PIP5K1C: variants seen among roughly 807,000 people sequenced by gnomAD.
PIP5K1C encodes the protein phosphatidylinositol-4-phosphate 5-kinase type 1 gamma, also known as phosphatidylinositol 4-phosphate 5-kinase type-1 gamma.
In PIP5K1C, 45 loss-of-function variants were observed where a neutral mutation model predicts 80.1. That is an observed-to-expected ratio of 0.56 (90% CI 0.44 to 0.72). The LOEUF (loss-of-function observed/expected upper bound fraction) is 0.72, where lower values mean the gene tolerates loss of function less well. PIP5K1C is among the 30% of genes least tolerant of loss of function. The probability of loss-of-function intolerance (pLI) is 0.00; values close to 1 mark genes in which losing one functional copy is unlikely to be tolerated. For synonymous variants in PIP5K1C, 498 were observed against 420.1 expected (o/e 1.19, Z -2.27); for missense variants, 753 against 954.6 (o/e 0.79, Z 2.78).
intron 5 of PIP5K1C, 60 bp from the exon 6 acceptor site, chr19:3,656,617 G>A: frequency 1.3e-6 from 2 of 1,589,718 alleles, no homozygotes; most frequent in Non-Finnish European, 1.7e-6. Context: ...GACAGCACTG[G>A]CTTCCGGTCT....
intron 1 of PIP5K1C, among the ~76,000 whole-genome samples, chr19:3,676,804 C>G (rs2035373702): frequency 6.6e-6 from 1 of 152,238 alleles, no homozygotes; most frequent in African/African-American, 2.4e-5. Flanking sequence ...GAAAGGGAGA[C>G]TGCTTTTACT....
At position 3,688,028 on chromosome 19, in the gene PIP5K1C, G is replaced by A. The variant is rs918096361; in HGVS notation, c.94+12269C>T. ...GCTGTGGGGCGTGGCCAGCCCGCAG[G>A]TGGCGGGGCCGACGGGATGGGTCAG... On this transcript the variant is annotated intron_variant, in intron 1 of 17. Transcript: ENST00000335312. The surrounding 1 kb of genome is among the most constrained non-coding windows in gnomAD (Gnocchi z 5.3). Among the ~76,000 whole-genome samples, 1 of 152,192 alleles carries A rather than the reference G, an allele frequency of 6.6e-6. No individual in the cohort carries two copies. The highest frequency in any genetic ancestry group is 2.4e-5 in the African/African-American group (1 of 41,458).
At chr19:3,661,739 G>A (rs1056149055) in intron 4 of PIP5K1C, 132 bp downstream of exon 4, 1 of 1,051,880 alleles carries the variant, frequency 9.5e-7, no homozygotes, top group Non-Finnish European at 1.4e-6. Context: ...GAGGGCCAGA[G>A]CTCAAGGCCA....
rs983757465 is a variant in PIP5K1C, at chr19:3,632,934, C to T, written c.*233G>A. On this transcript the variant is annotated 3_prime_UTR_variant, in exon 18 of 18. Coordinates refer to ENST00000335312, the MANE Select transcript of PIP5K1C (RefSeq NM_012398.3). Reference sequence around the variant, plus strand: ...AAATAAGGACTCAAATGCGATTGGCCGCTCGGGAGGGTGGGTCTCACAGGG... The same window carrying T: ...AAATAAGGACTCAAATGCGATTGGCTGCTCGGGAGGGTGGGTCTCACAGGG... 21 of 527,598 alleles carry T rather than the reference C, an allele frequency of 4.0e-5. No individual in the cohort carries two copies. The highest frequency in any genetic ancestry group is 6.8e-5 in the Admixed American group (2 of 29,610). The allele number at this position is 527,598 out of a possible 1,614,324, so 32.7% of individuals were successfully genotyped here.
At chr19:3,649,969 G>T in intron 8 of PIP5K1C, 1 of 224,826 alleles carries the variant, frequency 4.4e-6, no homozygotes, top group Non-Finnish European at 8.9e-6. Context: ...TGCACGCTCT[G>T]CTCACGCCAC....
At chr19:3,643,497 C>G (rs1247178486) in intron 12 of PIP5K1C, 116 bp from the exon 13 acceptor site, 2 of 1,174,944 alleles carry the variant, frequency 1.7e-6, no homozygotes, top group Non-Finnish European at 2.4e-6. Flanking sequence ...CCGCCCGCCT[C>G]CCAGACACTC....
Position 3,688,202 on chromosome 19 carries a change from G to C in PIP5K1C, c.94+12095C>G, listed in dbSNP as rs2035830601. Reference sequence around the variant, plus strand: ...GCGCTCCGTCTCCAGCACAGCAGAGGTGGACGCCCCTCGCGGCTGGCTCCC... The same window carrying C: ...GCGCTCCGTCTCCAGCACAGCAGAGCTGGACGCCCCTCGCGGCTGGCTCCC... On this transcript the variant is annotated intron_variant, in intron 1 of 17. Transcript: ENST00000335312. This position sits in a 1 kb window ranked among gnomAD's most constrained non-coding sequence, Gnocchi z 5.3. 1.3e-5 allele frequency among the ~76,000 whole-genome samples: 2 copies of C among 152,214 alleles called. No individual in the cohort carries two copies. The highest frequency in any genetic ancestry group is 4.8e-5 in the African/African-American group (2 of 41,460).
At chr19:3,685,602 C>T (rs890226290) in intron 1 of PIP5K1C, among the ~76,000 whole-genome samples, 3 of 151,564 alleles carry the variant, frequency 2.0e-5, no homozygotes, top group South Asian at 2.1e-4. Context: ...TGGTGGCGGG[C>T]GCCTGTAGTC....
Position 3,656,565 on chromosome 19 carries a change from C to T in PIP5K1C, c.469-8G>A. 3 of 1,613,272 alleles carry T rather than the reference C, an allele frequency of 1.9e-6. No homozygotes were observed. Among genetic ancestry groups the T allele is most frequent in the Non-Finnish European group, 2.5e-6 (3 of 1,179,884 alleles). ...CTCATTGCACAGGGAGTACTGGAAG[C>T]AGAGGAGGCGGGTCAGCGGGCCCCA... On this transcript the variant is annotated splice_polypyrimidine_tract_variant and splice_region_variant and intron_variant, in intron 5 of 17. Transcript: ENST00000335312.
chr19:3,651,480 G>A (rs1044666023), intron 8 of PIP5K1C, among the ~76,000 whole-genome samples: 7 of 152,188 alleles, frequency 4.6e-5, no homozygotes, highest in African/African-American at 1.2e-4. Flanking sequence ...CACCTTTGTG[G>A]CCCCTCTCTG....
rs1444236121 is a variant in PIP5K1C at position 3,647,349 on chromosome 19, C to T, written c.1249G>A (p.Val417Ile). ...GTGCAGGCGCTCACCCCATCGTGGA[C>T]GAGGGCCTTCCAGGTGTGCTCCAGT... ...KKLEHTWKAL[V>I]HDGDTVSVHR... Residue 417 changes from valine to isoleucine, a missense_variant, in exon 10 of 18, where the codon GTC becomes ATC. By Grantham distance (29) the Val-to-Ile change is conservative. Transcript: ENST00000335312. 2.5e-6 allele frequency: 4 copies of T among 1,578,062 alleles called. No individual in the cohort carries two copies. Among genetic ancestry groups the T allele is most frequent in the Non-Finnish European group, 3.4e-6 (4 of 1,160,898 alleles).
chr19:3,661,295 C>T (rs2034825960), intron 4 of PIP5K1C, among the ~76,000 whole-genome samples: 1 of 144,288 alleles, frequency 6.9e-6, no homozygotes, highest in African/African-American at 2.5e-5. Context: ...AACAACGGGG[C>T]CCACAGTGTT....
At chr19:3,659,920 C>T (rs896489977) in intron 5 of PIP5K1C, among the ~76,000 whole-genome samples, 1 of 152,212 alleles carries the variant, frequency 6.6e-6, no homozygotes, top group African/African-American at 2.4e-5. Context: ...GCCCCGGGGA[C>T]CGTGCTGTCG....
chr19:3,639,821 G>A (rs1024469315), intron 15 of PIP5K1C, among the ~76,000 whole-genome samples: 21 of 152,164 alleles, frequency 1.4e-4, no homozygotes. Context: ...GAGAGGGTGC[G>A]GCTACTGCCC....
chr19:3,651,499 G>A (rs1420142666), intron 8 of PIP5K1C, among the ~76,000 whole-genome samples: 1 of 152,222 alleles, frequency 6.6e-6, no homozygotes, highest in African/African-American at 2.4e-5. Context: ...TGCACGGGTG[G>A]CGTGTAGACC....
rs2035975049 is a variant in PIP5K1C, at chr19:3,692,357, C to T, written c.94+7940G>A. On this transcript the variant is annotated intron_variant, in intron 1 of 17. Transcript: ENST00000335312. This position sits in a 1 kb window ranked among gnomAD's most constrained non-coding sequence, Gnocchi z 5.2. ...CCCCCAACGCTCCCTACAGGGGCTC[C>T]TGGGGCCTCCCTCGCAGCTCGGCCA... Among the ~76,000 whole-genome samples, 2 of 152,160 alleles carry T rather than the reference C, an allele frequency of 1.3e-5. No individual in the cohort carries two copies. The highest frequency in any genetic ancestry group is 4.1e-4 in the South Asian group (2 of 4,834).
rs775592001 is a variant in PIP5K1C at position 3,646,056 on chromosome 19, G to A, written c.1263C>T (p.Asp421=). 7.5e-6 allele frequency: 12 copies of A among 1,609,410 alleles called. No individual in the cohort carries two copies. The Admixed American group carries it at 1.8e-4, about 25-fold the overall frequency. ...AGCTGGGGCGGTGGACGGACACCGT[G>A]TCCTGGAAGAGAGTTGGGGGGGGTG... ...HTWKALVHDG[D]TVSVHRPSFY... Residue 421 remains aspartate, a splice_region_variant and synonymous_variant, in exon 11 of 18, where the codon GAC becomes GAT. Coordinates refer to ENST00000335312, the MANE Select transcript of PIP5K1C (RefSeq NM_012398.3).
intron 8 of PIP5K1C, chr19:3,650,128 C>T (rs1245160896): frequency 6.4e-6 from 1 of 155,142 alleles, no homozygotes; most frequent in Admixed American, 6.5e-5. Flanking sequence ...CTCTGCCATC[C>T]ATGGGAAATA....
rs1409725179 is a variant in PIP5K1C at position 3,633,075 on chromosome 19, C to T, written c.*92G>A. ...GGTGGGGCGGCGAGGCGGGCATCTC[C>T]CGAGCTCTGGGCCTCAGCGGGGTGG... On this transcript the variant is annotated 3_prime_UTR_variant, in exon 18 of 18. Transcript: ENST00000335312. 5 of 704,532 alleles carry T rather than the reference C, an allele frequency of 7.1e-6. No individual in the cohort carries two copies. The highest frequency in any genetic ancestry group is 3.5e-5 in the African/African-American group (2 of 57,134). The allele number at this position is 704,532 out of a possible 1,614,324, so 43.6% of individuals were successfully genotyped here.
Sources: allele counts gnomAD v4.1 joint callset (sites outside exome capture counted in the v4.1 genomes callset), GRCh38; gene constraint gnomAD v4.1.1; non-coding constraint Gnocchi (gnomAD v3.1); transcripts MANE v1.5; gene names NCBI Gene and HGNC (gene_info 2026-07-23, HGNC 2026-07-21).